VAV3: variants seen among roughly 807,000 people sequenced by gnomAD.
VAV3 encodes the protein vav guanine nucleotide exchange factor 3, also known as guanine nucleotide exchange factor VAV3.
Under a neutral mutation model 131.2 loss-of-function variants are expected in VAV3, and 94 were observed. That is an observed-to-expected ratio of 0.72 (90% CI 0.61 to 0.85). The LOEUF (loss-of-function observed/expected upper bound fraction) is 0.85. Among genes scored for constraint, VAV3 ranks in the 40% least tolerant of loss-of-function variants. The probability of loss-of-function intolerance (pLI) is 0.00; values close to 1 mark genes in which losing one functional copy is unlikely to be tolerated. For synonymous variants in VAV3, 349 were observed against 342.0 expected (o/e 1.02, Z -0.22); for missense variants, 939 against 1,002.7 (o/e 0.94, Z 0.86).
At chr1:107,830,176 C>T (rs923843045) in intron 2 of VAV3, among the ~76,000 whole-genome samples, 1 of 151,874 alleles carries the variant, frequency 6.6e-6, no homozygotes, top group Admixed American at 6.6e-5. Flanking sequence ...TAAGATCATG[C>T]ACTATTTAGT....
At chr1:107,771,871 A>G (rs185933760) in intron 5 of VAV3, among the ~76,000 whole-genome samples, 443 of 152,356 alleles carry the variant, frequency 2.9e-3, no homozygotes, top group Non-Finnish European at 4.9e-3. Context: ...ATGCTGCCAC[A>G]GATGGGCTGT....
chr1:107,616,564 G>A (rs1653171059), intron 21 of VAV3, among the ~76,000 whole-genome samples: 1 of 152,066 alleles, frequency 6.6e-6, no homozygotes, highest in South Asian at 2.1e-4. Flanking sequence ...TAATAAACCT[G>A]CACATGTACC....
At chr1:107,580,741 C>G (rs944476500) in intron 25 of VAV3, among the ~76,000 whole-genome samples, 23 of 152,238 alleles carry the variant, frequency 1.5e-4, no homozygotes, top group African/African-American at 4.8e-4. Flanking sequence ...TAACATGTTT[C>G]TCCAGGAAAG....
intron 19 of VAV3, among the ~76,000 whole-genome samples, chr1:107,663,992 T>A (rs1657228856): frequency 6.6e-6 from 1 of 152,202 alleles, no homozygotes; most frequent in East Asian, 1.9e-4. Context: ...TCAAATGTAA[T>A]GCTTTTCATT....
At chr1:107,816,936 C>T (rs1045862094) in intron 2 of VAV3, among the ~76,000 whole-genome samples, 4 of 152,208 alleles carry the variant, frequency 2.6e-5, no homozygotes, top group East Asian at 1.9e-4. Flanking sequence ...TCATTGAACA[C>T]GGCCAGAGTC....
chr1:107,960,561 A>G (rs991544919), intron 1 of VAV3, among the ~76,000 whole-genome samples: 5 of 152,068 alleles, frequency 3.3e-5, no homozygotes, highest in Admixed American at 2.6e-4. Context: ...AGTGAAATCC[A>G]AAGTCCTTAA....
At chr1:107,696,702 T>G (rs1334439732) in intron 17 of VAV3, among the ~76,000 whole-genome samples, 1 of 152,224 alleles carries the variant, frequency 6.6e-6, no homozygotes, top group Non-Finnish European at 1.5e-5. Flanking sequence ...GAGTTTGTCT[T>G]AAGTCAGTAG....
intron 17 of VAV3, among the ~76,000 whole-genome samples, chr1:107,692,914 A>G (rs1388439222): frequency 1.3e-5 from 2 of 152,184 alleles, no homozygotes; most frequent in East Asian, 1.9e-4. Context: ...TTAAACTGAG[A>G]GGATGCAAAG....
chr1:107,880,837 G>A (rs756016138), intron 1 of VAV3, among the ~76,000 whole-genome samples: 3 of 151,774 alleles, frequency 2.0e-5, no homozygotes, highest in Admixed American at 6.6e-5. Context: ...AAAGGAAAGC[G>A]GAATACTCAG....
chr1:107,835,665 G>A (rs1031852881), intron 2 of VAV3, among the ~76,000 whole-genome samples: 1 of 152,184 alleles, frequency 6.6e-6, no homozygotes, highest in Non-Finnish European at 1.5e-5. Flanking sequence ...CCACCAGAAG[G>A]AGATCAGTCA....
At chr1:107,781,749 G>A (rs1665703596) in intron 2 of VAV3, among the ~76,000 whole-genome samples, 2 of 152,068 alleles carry the variant, frequency 1.3e-5, no homozygotes, top group Non-Finnish European at 2.9e-5. Context: ...TTTCTTCCTG[G>A]TCAACTATGT....
rs996158535 is a variant in VAV3 at position 107,655,187 on chromosome 1, T to G, written c.1778-12432A>C. Among the ~76,000 whole-genome samples, 15 of 152,118 alleles carry G rather than the reference T, an allele frequency of 9.9e-5. No individual in the cohort carries two copies. The South Asian group carries it at 1.0e-3, about 11-fold the overall frequency. On this transcript the variant is annotated intron_variant, in intron 19 of 26. Transcript: ENST00000370056. ...CCAAAGCAATCCTGGACAAATGGAA[T>G]AAAGCTGGAGATATCACACTACCTG...
intron 1 of VAV3, among the ~76,000 whole-genome samples, chr1:107,910,883 G>A (rs563544124): frequency 6.6e-6 from 1 of 152,216 alleles, no homozygotes; most frequent in Admixed American, 6.5e-5. Flanking sequence ...AGGAGGCTGA[G>A]ATGGGAGAAC....
chr1:107,580,406 C>T (rs1445396739), intron 25 of VAV3, among the ~76,000 whole-genome samples: 1 of 152,092 alleles, frequency 6.6e-6, no homozygotes. Flanking sequence ...AGTGATATTC[C>T]TAAAATAACT....
chr1:107,668,212 C>G (rs1657544170), intron 19 of VAV3, among the ~76,000 whole-genome samples: 1 of 152,178 alleles, frequency 6.6e-6, no homozygotes, highest in African/African-American at 2.4e-5. Flanking sequence ...TGTAGCCAGC[C>G]TGGCTAAAAA....
intron 17 of VAV3, among the ~76,000 whole-genome samples, chr1:107,699,450 G>A (rs1477683076): frequency 1.3e-5 from 2 of 152,228 alleles, no homozygotes; most frequent in African/African-American, 2.4e-5. Flanking sequence ...GCTCTCACAG[G>A]CTGGCAATGA....
intron 12 of VAV3, among the ~76,000 whole-genome samples, chr1:107,753,507 T>TACACACACACATATATAA (rs1243081206): frequency 1.5e-5 from 1 of 66,298 alleles, no homozygotes; most frequent in Non-Finnish European, 3.3e-5. Context: ...CACATATATA[T>TACACACACACATATATAA]ACACACATAT....
At chr1:107,746,095 A>G (rs183902384) in intron 15 of VAV3, among the ~76,000 whole-genome samples, 6 of 152,334 alleles carry the variant, frequency 3.9e-5, no homozygotes, top group Admixed American at 2.0e-4. Context: ...TTTGAACCAT[A>G]GGCAAAATCA....
At chr1:107,647,207 A>T (rs1475555702) in intron 19 of VAV3, among the ~76,000 whole-genome samples, 1 of 149,764 alleles carries the variant, frequency 6.7e-6, no homozygotes, top group Non-Finnish European at 1.5e-5. Flanking sequence ...CGAGGCAATA[A>T]CTTAGAGGAG....
Sources: allele counts gnomAD v4.1 joint callset (sites outside exome capture counted in the v4.1 genomes callset), GRCh38; gene constraint gnomAD v4.1.1; transcripts MANE v1.5; gene names NCBI Gene and HGNC (gene_info 2026-07-23, HGNC 2026-07-21).